NUBPL: variants seen among roughly 807,000 people sequenced by gnomAD.
NUBPL encodes the protein NUBP iron-sulfur cluster assembly factor, mitochondrial.
Under a neutral mutation model 45.7 loss-of-function variants are expected in NUBPL, and 31 were observed. That is an observed-to-expected ratio of 0.68 (90% confidence interval 0.51 to 0.92). The LOEUF (loss-of-function observed/expected upper bound fraction) is 0.92. NUBPL is among the 40% of genes least tolerant of loss of function. The pLI is 0.00. For synonymous variants in NUBPL, 144 were observed against 140.9 expected, an observed-to-expected ratio of 1.02 and a Z score of -0.15; for missense variants, 401 against 398.7, an observed-to-expected ratio of 1.01 and a Z score of -0.05.
intron 3 of NUBPL, among the ~76,000 whole-genome samples, chr14:31,585,720 T>G (rs780046865): frequency 2.0e-5 from 3 of 152,222 alleles, no homozygotes; most frequent in Admixed American, 1.3e-4. Context: ...TTCTGTCTTT[T>G]TGATTATAGT....
intron 6 of NUBPL, among the ~76,000 whole-genome samples, chr14:31,753,554 A>G (rs1022345186): frequency 1.3e-5 from 2 of 152,234 alleles, no homozygotes; most frequent in Admixed American, 6.5e-5. Context: ...GTGGAGCCCC[A>G]TGGATGTGGC....
chr14:31,676,723 C>T (rs188684720), intron 6 of NUBPL, among the ~76,000 whole-genome samples: 9 of 151,286 alleles, frequency 5.9e-5, no homozygotes, highest in Non-Finnish European at 8.9e-5. Flanking sequence ...TCTTTTGTGA[C>T]GTGTCTGTTC....
chr14:31,843,122 A>T (rs896522925), intron 8 of NUBPL, among the ~76,000 whole-genome samples: 5 of 152,142 alleles, frequency 3.3e-5, no homozygotes, highest in African/African-American at 4.8e-5. Flanking sequence ...ACACCCTGGC[A>T]CCCAGACTGA....
chr14:31,601,791 G>A (rs568301365), intron 4 of NUBPL, among the ~76,000 whole-genome samples: 4 of 152,224 alleles, frequency 2.6e-5, no homozygotes, highest in Admixed American at 2.6e-4. Flanking sequence ...ACTGTTGGTG[G>A]GACTGTAAAC....
intron 7 of NUBPL, among the ~76,000 whole-genome samples, chr14:31,807,934 G>C (rs975193469): frequency 3.0e-4 from 45 of 152,174 alleles, no homozygotes; most frequent in Admixed American, 2.8e-3. Flanking sequence ...GATGGTTGTA[G>C]ATGTGTGGTA....
intron 6 of NUBPL, among the ~76,000 whole-genome samples, chr14:31,781,463 T>C (rs1307989144): frequency 6.6e-6 from 1 of 152,172 alleles, no homozygotes; most frequent in East Asian, 1.9e-4. Context: ...ACCTTCAAGA[T>C]AAATCTGAAA....
chr14:31,687,831 A>G lies in NUBPL; in HGVS notation c.513+14257A>G, dbSNP rs2036990231. Among the ~76,000 whole-genome samples, 4 of 152,226 alleles carry G rather than the reference A, an allele frequency of 2.6e-5. No homozygotes were observed. The South Asian group carries it at 8.3e-4, about 32-fold the overall frequency. On this transcript the variant is annotated intron_variant, in intron 6 of 10. Transcript: ENST00000281081. ...GGAAAATCACAACATTACAAAAAAA[A>G]GTTGAATTGCTTGATATGTACCATA...
At chr14:31,753,040 G>C (rs961352540) in intron 6 of NUBPL, among the ~76,000 whole-genome samples, 4 of 152,218 alleles carry the variant, frequency 2.6e-5, no homozygotes, top group African/African-American at 9.7e-5. Flanking sequence ...ATCTACCAAT[G>C]GGTGGGGATT....
chr14:31,751,995 G>A (rs1003317421), intron 6 of NUBPL, among the ~76,000 whole-genome samples: 5 of 152,188 alleles, frequency 3.3e-5, no homozygotes, highest in African/African-American at 9.7e-5. Flanking sequence ...TTTAGCCATG[G>A]CTGGAGCCTG....
chr14:31,731,096 G>A (rs747571373), intron 6 of NUBPL, among the ~76,000 whole-genome samples: 3 of 151,994 alleles, frequency 2.0e-5, no homozygotes, highest in Non-Finnish European at 4.4e-5. Flanking sequence ...GCAACAAACT[G>A]GAAACTAAAA....
chr14:31,575,981 A>G (rs962847724), intron 3 of NUBPL, among the ~76,000 whole-genome samples: 2 of 152,236 alleles, frequency 1.3e-5, no homozygotes, highest in African/African-American at 2.4e-5. Context: ...TTATAAGTGC[A>G]TTTGAATTCA....
intron 6 of NUBPL, among the ~76,000 whole-genome samples, chr14:31,678,860 G>A (rs2036762015): frequency 2.6e-5 from 4 of 152,228 alleles, no homozygotes; most frequent in East Asian, 1.9e-4. Context: ...TCTAGGACTC[G>A]CCTAGGAGCT....
chr14:31,844,875 T>A (rs949765600), intron 8 of NUBPL: 10 of 152,242 alleles, frequency 6.6e-5, no homozygotes, highest in African/African-American at 2.4e-4. Context: ...CTGCTCCTCA[T>A]CAATGAGAGA....
chr14:31,719,907 C>CTA (rs1348996738), intron 6 of NUBPL, among the ~76,000 whole-genome samples: 3 of 152,012 alleles, frequency 2.0e-5, no homozygotes, highest in African/African-American at 7.2e-5. Flanking sequence ...TTTTACCCTG[C>CTA]TATTAATATT....
intron 3 of NUBPL, among the ~76,000 whole-genome samples, chr14:31,574,063 C>G (rs1161253321): frequency 6.6e-6 from 1 of 151,996 alleles, no homozygotes; most frequent in African/African-American, 2.4e-5. Context: ...GATAAGGTGC[C>G]TATAGTTTTG....
At chr14:31,612,753 C>T (rs1162560936) in intron 4 of NUBPL, among the ~76,000 whole-genome samples, 1 of 152,136 alleles carries the variant, frequency 6.6e-6, no homozygotes, top group Non-Finnish European at 1.5e-5. Flanking sequence ...AGTGAGATAT[C>T]ATCTCCCTTT....
chr14:31,647,541 G>T (rs765222819), intron 4 of NUBPL, among the ~76,000 whole-genome samples: 22 of 152,180 alleles, frequency 1.4e-4, no homozygotes, highest in Admixed American at 2.6e-4. Flanking sequence ...GGCTGGCTAG[G>T]GGTTTGTGCA....
chr14:31,787,119 G>A (rs1311886742), intron 6 of NUBPL, among the ~76,000 whole-genome samples: 1 of 152,118 alleles, frequency 6.6e-6, no homozygotes, highest in African/African-American at 2.4e-5. Flanking sequence ...CAATTGAGAA[G>A]ATCCTTGGGC....
chr14:31,611,428 CA>C (rs1369044851), intron 4 of NUBPL, among the ~76,000 whole-genome samples: 2 of 152,036 alleles, frequency 1.3e-5, no homozygotes, highest in African/African-American at 4.8e-5. Flanking sequence ...ATGGGACACA[CA>C]AAAAATGGAA....
Sources: gnomAD v4.1 joint callset for allele counts (sites outside exome capture counted in the v4.1 genomes callset) on GRCh38, gnomAD v4.1.1 for gene constraint, MANE v1.5 for transcripts, NCBI Gene and HGNC (gene_info 2026-07-23, HGNC 2026-07-21) for gene names.